Variants in MEF2C observed in about 807,000 individuals in gnomAD.
MEF2C encodes the protein myocyte-specific enhancer factor 2C.
Under a neutral mutation model 50.5 loss-of-function variants are expected in MEF2C, and 6 were observed. The observed-to-expected ratio is 0.12, with a 90% CI of 0.07 to 0.23. The LOEUF is 0.23. Among genes scored for constraint, MEF2C ranks in the 10% least tolerant of loss-of-function variants. The pLI is 1.00. For missense variants in MEF2C, 276 were observed against 605.0 expected (o/e 0.46, Z 5.70); for synonymous variants, 183 against 228.0 (o/e 0.80, Z 1.78).
At chr5:88,725,395 CT>C (rs1312199688) in intron 10 of MEF2C, among the ~76,000 whole-genome samples, 1 of 152,076 alleles carries the variant, frequency 6.6e-6, no homozygotes, top group Non-Finnish European at 1.5e-5. Flanking sequence ...TGGCTAGTCT[CT>C]GTTAACAAAG....
chr5:88,889,389 T>C lies in MEF2C; in HGVS notation c.-239-1791A>G, dbSNP rs1172517155. ...CTGCCCGTCTCTGCTTCCCCCCCCTTCCCCCCCCCCTTTTCTCCCGGCCGA... is the reference window on the plus strand; with the variant it reads ...CTGCCCGTCTCTGCTTCCCCCCCCTCCCCCCCCCCCTTTTCTCCCGGCCGA... On this transcript the variant is annotated intron_variant, in intron 1 of 11. Transcript: ENST00000340208. 365 of 144,488 alleles carry C rather than the reference T, an allele frequency of 2.5e-3. 1 individual carries two copies. The highest frequency in any genetic ancestry group is 4.3e-3 in the Non-Finnish European group (285 of 65,746). The allele number at this position is 144,488 out of a possible 1,614,324, so 9.0% of individuals were successfully genotyped here.
intron 4 of MEF2C, 108 bp downstream of exon 4, chr5:88,761,077 A>T: frequency 6.2e-7 from 1 of 1,613,894 alleles, no homozygotes. Context: ...GCATAAGAGG[A>T]GTCGGGATCG....
At chr5:88,746,363 T>A (rs771365812) in intron 6 of MEF2C, 1 of 272,820 alleles carries the variant, frequency 3.7e-6, no homozygotes, top group Non-Finnish European at 5.6e-6. Flanking sequence ...GCTTACCTTT[T>A]TGGTCTTTTA....
At chr5:88,729,586 G>A (rs978859386) in intron 8 of MEF2C, 4 of 469,752 alleles carry the variant, frequency 8.5e-6, no homozygotes, top group Non-Finnish European at 1.2e-5. Context: ...CTAGTAACAA[G>A]TACCATAGCT....
chr5:88,788,826 G>T (rs1792313116), intron 3 of MEF2C, among the ~76,000 whole-genome samples: 1 of 152,066 alleles, frequency 6.6e-6, no homozygotes, highest in African/African-American at 2.4e-5. Context: ...TCATAGTATA[G>T]GTGCTAAATA....
chr5:88,839,501 A>G (rs1816541711), intron 1 of MEF2C: 1 of 152,174 alleles, frequency 6.6e-6, no homozygotes, highest in African/African-American at 2.4e-5. Flanking sequence ...GAAATCTCTG[A>G]GATTTGTAAT....
chr5:88,889,397 C>CG (rs1385402897), intron 1 of MEF2C: 6 of 154,088 alleles, frequency 3.9e-5, no homozygotes, highest in African/African-American at 7.2e-5. Context: ...CTTCCCCCCC[C>CG]CCTTTTCTCC....
At chr5:88,854,062 T>C (rs890988877) in intron 1 of MEF2C, among the ~76,000 whole-genome samples, 1 of 152,196 alleles carries the variant, frequency 6.6e-6, no homozygotes, top group Non-Finnish European at 1.5e-5. Flanking sequence ...GCATTCTTTA[T>C]CTATTACCTG....
intron 1 of MEF2C, among the ~76,000 whole-genome samples, chr5:88,863,996 A>G (rs539738551): frequency 9.2e-5 from 14 of 151,716 alleles, no homozygotes; most frequent in Non-Finnish European, 1.3e-4. Flanking sequence ...TCTATTTTGT[A>G]TTTTTAGTAG....
intron 1 of MEF2C, among the ~76,000 whole-genome samples, chr5:88,832,717 G>T (rs1471918283): frequency 1.3e-5 from 2 of 152,154 alleles, no homozygotes; most frequent in African/African-American, 4.8e-5. Context: ...TGATGTCAAA[G>T]CAGAAACAGT....
At chr5:88,750,584 A>T (rs1043878775) in intron 5 of MEF2C, among the ~76,000 whole-genome samples, 2 of 152,188 alleles carry the variant, frequency 1.3e-5, no homozygotes, top group Non-Finnish European at 2.9e-5. Context: ...ATTCAAAAAA[A>T]TGAGCATGAG....
At chr5:88,776,951 G>A (rs2152828079) in intron 3 of MEF2C, among the ~76,000 whole-genome samples, 1 of 152,306 alleles carries the variant, frequency 6.6e-6, no homozygotes, top group South Asian at 2.1e-4. Flanking sequence ...GCCCCAGACA[G>A]CCTTCTCTGA....
chr5:88,816,243 A>G (rs779649207), intron 2 of MEF2C, among the ~76,000 whole-genome samples: 3 of 152,036 alleles, frequency 2.0e-5, no homozygotes, highest in African/African-American at 4.8e-5. Flanking sequence ...AGTTGGAGCA[A>G]TATCTTTCTG....
intron 4 of MEF2C, among the ~76,000 whole-genome samples, chr5:88,754,033 C>T (rs1345642635): frequency 6.6e-6 from 1 of 152,178 alleles, no homozygotes; most frequent in East Asian, 1.9e-4. Flanking sequence ...CCACTTGCTC[C>T]ATCCAGACCC....
chr5:88,842,479 C>G (rs1466798813), intron 1 of MEF2C, among the ~76,000 whole-genome samples: 1 of 151,528 alleles, frequency 6.6e-6, no homozygotes, highest in East Asian at 1.9e-4. Flanking sequence ...ATCAATGACT[C>G]TCTAACATAT....
intron 1 of MEF2C, among the ~76,000 whole-genome samples, chr5:88,880,280 T>C (rs1331238653): frequency 1.3e-5 from 2 of 152,178 alleles, no homozygotes; most frequent in African/African-American, 2.4e-5. Flanking sequence ...ACTTTATTAA[T>C]AATCTCTTAA....
chr5:88,735,167 A>G (rs1763581575), intron 6 of MEF2C: 1 of 985,416 alleles, frequency 1.0e-6, no homozygotes, highest in Non-Finnish European at 1.2e-6. Flanking sequence ...AAGAGCCTGC[A>G]TTTAAACCGG....
At chr5:88,771,688 T>C in intron 3 of MEF2C, 2 of 829,080 alleles carry the variant, frequency 2.4e-6, no homozygotes, top group Non-Finnish European at 2.9e-6. Context: ...TTGACAGTCA[T>C]ACTTTCTAAC....
intron 6 of MEF2C, chr5:88,734,565 G>GTTTGT (rs1763130990): frequency 1.3e-4 from 72 of 541,718 alleles, no homozygotes; most frequent in Admixed American, 2.5e-4. Flanking sequence ...AGAAAAGTTT[G>GTTTGT]TTTTTTTTTT....
Sources: gnomAD v4.1 joint callset for allele counts (sites outside exome capture counted in the v4.1 genomes callset) on GRCh38, gnomAD v4.1.1 for gene constraint, MANE v1.5 for transcripts, NCBI Gene and HGNC (gene_info 2026-07-23, HGNC 2026-07-21) for gene names.